Variants in SCYL3 observed in about 807,000 individuals in gnomAD.
SCYL3 encodes protein-associating with the carboxyl-terminal domain of ezrin.
A neutral mutation model predicts 73.8 loss-of-function variants in SCYL3; 35 were observed. That is an observed-to-expected ratio of 0.47 (90% confidence interval 0.36 to 0.63). SCYL3 has a LOEUF of 0.63. SCYL3 is among the 20% of genes least tolerant of loss of function. The probability of loss-of-function intolerance (pLI) is 0.00; values close to 1 mark genes in which losing one functional copy is unlikely to be tolerated. For missense variants in SCYL3, 712 were observed against 798.9 expected (o/e 0.89, Z 1.31); for synonymous variants, 277 against 295.2 (o/e 0.94, Z 0.63).
At chr1:169,878,081 C>T (rs759816779) in intron 3 of SCYL3, among the ~76,000 whole-genome samples, 4 of 152,142 alleles carry the variant, frequency 2.6e-5, no homozygotes, top group Non-Finnish European at 5.9e-5. Context: ...GAACCATCTT[C>T]TAGTAATAGC....
chr1:169,872,837 C>T (rs537432996), intron 5 of SCYL3, among the ~76,000 whole-genome samples: 2 of 152,246 alleles, frequency 1.3e-5, no homozygotes, highest in East Asian at 3.9e-4. Context: ...CTAATTTCTC[C>T]CATTTGGAAT....
At chr1:169,855,207 A>G (rs1418757061) in intron 11 of SCYL3, among the ~76,000 whole-genome samples, 1 of 152,242 alleles carries the variant, frequency 6.6e-6, no homozygotes, top group African/African-American at 2.4e-5. Flanking sequence ...TAACTAGTGC[A>G]TTCAATCCTT....
At chr1:169,891,259 A>G (rs73026231) in intron 1 of SCYL3, among the ~76,000 whole-genome samples, 7 of 152,320 alleles carry the variant, frequency 4.6e-5, no homozygotes, top group African/African-American at 1.7e-4. Context: ...GTAAAATTTT[A>G]AAAAGCAAAC....
chr1:169,856,916 TC>T (rs1418466484), intron 11 of SCYL3, among the ~76,000 whole-genome samples: 1 of 152,210 alleles, frequency 6.6e-6, no homozygotes, highest in African/African-American at 2.4e-5. Flanking sequence ...GAAAAGCCTA[TC>T]TGATTAACTC....
intron 10 of SCYL3, among the ~76,000 whole-genome samples, chr1:169,862,344 A>G (rs192504919): frequency 4.6e-5 from 7 of 152,372 alleles, no homozygotes; most frequent in Non-Finnish European, 8.8e-5. Context: ...TTATGTTCAC[A>G]AAGTGCTCCA....
intron 10 of SCYL3, among the ~76,000 whole-genome samples, chr1:169,862,303 T>C (rs966224108): frequency 4.4e-4 from 67 of 152,314 alleles, no homozygotes; most frequent in African/African-American, 1.5e-3. Flanking sequence ...TCTAATTTAA[T>C]TACTTTATAA....
In SCYL3 at chr1:169,875,999, T is replaced by A; in HGVS notation, c.444A>T (p.Lys148Asn). 1.2e-6 allele frequency: 2 copies of A among 1,610,992 alleles called. No individual in the cohort carries two copies. The highest frequency in any genetic ancestry group is 1.7e-6 in the Non-Finnish European group (2 of 1,178,702). ...TTACCTCTGGTGTGGCCTGAGAAACTTTACAAACAGTTTCCATTCCTCCTA... is the reference window on the plus strand; with the variant it reads ...TTACCTCTGGTGTGGCCTGAGAAACATTACAAACAGTTTCCATTCCTCCTA... ...WKLGGMETVC[K>N]VSQATPEFLR... Residue 148 changes from lysine (K) to asparagine (N), a missense_variant, in exon 4 of 13, where the codon AAA becomes AAT. Lys to Asn is a moderately conservative substitution (Grantham distance 94). Around this residue, in one of 2 missense-constraint regions of SCYL3, gnomAD observed 342 missense variants for 448.1 expected, o/e 0.76. Transcript: ENST00000367771.
intron 2 of SCYL3, among the ~76,000 whole-genome samples, chr1:169,879,815 TATAAA>T (rs1314659583): frequency 2.6e-5 from 4 of 152,016 alleles, no homozygotes; most frequent in Non-Finnish European, 5.9e-5. Flanking sequence ...AAGGAAAAGT[TATAAA>T]ATAAATAGAA....
At chr1:169,861,173 C>G (rs920075797) in intron 10 of SCYL3, among the ~76,000 whole-genome samples, 2 of 152,166 alleles carry the variant, frequency 1.3e-5, no homozygotes, top group Non-Finnish European at 2.9e-5. Flanking sequence ...TAAAGTCAGC[C>G]CCCAGCGAAT....
rs773471628 is a variant in SCYL3, at chr1:169,849,710, C to T, written c.*4003G>A. The T allele has an allele frequency of 3.1e-5, 26 of 839,150 alleles. No individual in the cohort carries two copies. The highest frequency in any genetic ancestry group is 9.6e-5 in the Admixed American group (4 of 41,718). 52.0% of individuals were successfully genotyped at this position (839,150 alleles called of 1,614,324 possible). The stretch of plus-strand genomic sequence containing the variant: ...TATTGAACTGCTTCTGTATTGCAAT[C>T]GGAAAATTGTCTGAAGGGTACATTA... On this transcript the variant is annotated 3_prime_UTR_variant, in exon 13 of 13. Transcript: ENST00000367771.
Position 169,854,948 on chromosome 1 carries a change from C to A in SCYL3, c.1329G>T (p.Gln443His), listed in dbSNP as rs900232044. Residue 443 changes from glutamine to histidine, a missense_variant, in exon 12 of 13, where the codon CAG (glutamine) becomes CAT (histidine). By Grantham distance (24) the Gln-to-His change is conservative (BLOSUM62 0). Around this residue, in one of 2 missense-constraint regions of SCYL3, gnomAD observed 370 missense variants for 350.8 expected, o/e 1.05. Transcript: ENST00000367771. ...GTCCATTTATGGGAAATTTAATAGG[C>A]TGAGAAAATGGATCGCCTGTAGGGA... ...DLSLEGDPFS[Q>H]PIKFPINGLS... 1 of 1,606,282 alleles carries A rather than the reference C, an allele frequency of 6.2e-7. No homozygotes were observed.
At chr1:169,883,130 C>T (rs1661417958) in intron 2 of SCYL3, among the ~76,000 whole-genome samples, 1 of 152,128 alleles carries the variant, frequency 6.6e-6, no homozygotes, top group Non-Finnish European at 1.5e-5. Context: ...AAACTCCGAA[C>T]ATGAGAAGGA....
chr1:169,860,630 A>T (rs975537395), intron 10 of SCYL3, among the ~76,000 whole-genome samples: 9 of 152,228 alleles, frequency 5.9e-5, no homozygotes, highest in African/African-American at 2.2e-4. Flanking sequence ...CTGTACATGT[A>T]AACTAAAGCA....
intron 8 of SCYL3, among the ~76,000 whole-genome samples, chr1:169,864,824 G>A (rs1175145994): frequency 6.6e-6 from 1 of 152,148 alleles, no homozygotes; most frequent in Non-Finnish European, 1.5e-5. Context: ...GCCGGGCGTG[G>A]TGGCAGACGC....
chr1:169,869,680 A>G (rs1286924635), intron 6 of SCYL3, among the ~76,000 whole-genome samples: 1 of 152,236 alleles, frequency 6.6e-6, no homozygotes, highest in African/African-American at 2.4e-5. Flanking sequence ...TTAAAGTCCT[A>G]AAGTGGGCAC....
intron 4 of SCYL3, 98 bp from the exon 5 acceptor site, chr1:169,873,850 C>A: frequency 2.6e-6 from 2 of 778,212 alleles, no homozygotes; most frequent in Admixed American, 2.5e-5. Context: ...ATGCAAACAG[C>A]ACCAATTAAA....
chr1:169,881,083 T>A (rs1026752399), intron 2 of SCYL3, among the ~76,000 whole-genome samples: 1 of 152,216 alleles, frequency 6.6e-6, no homozygotes, highest in Non-Finnish European at 1.5e-5. Context: ...ATTTACCTCT[T>A]CAGTTATTTA....
intron 3 of SCYL3, among the ~76,000 whole-genome samples, chr1:169,878,160 C>T (rs1660989626): frequency 6.6e-6 from 1 of 152,078 alleles, no homozygotes; most frequent in South Asian, 2.1e-4. Context: ...CTCAATTGGC[C>T]CCAACTACTC....
At chr1:169,857,262 T>A (rs1659255634) in intron 11 of SCYL3, among the ~76,000 whole-genome samples, 1 of 152,192 alleles carries the variant, frequency 6.6e-6, no homozygotes, top group Admixed American at 6.5e-5. Flanking sequence ...TTAAAATATA[T>A]CCTTTGGCCC....
Sources: allele counts gnomAD v4.1 joint callset (sites outside exome capture counted in the v4.1 genomes callset), GRCh38; gene constraint gnomAD v4.1.1; regional missense constraint gnomAD v4.1.1; transcripts MANE v1.5; gene names NCBI Gene and HGNC (gene_info 2026-07-23, HGNC 2026-07-21).